Variants in MROH2B observed in about 807,000 individuals in gnomAD.
MROH2B encodes the protein maestro heat-like repeat-containing protein family member 2B.
In MROH2B, 177 loss-of-function variants were observed where a neutral mutation model predicts 208.6. The ratio of observed to expected loss-of-function variants is 0.85; its 90% CI spans 0.75 to 0.96. The LOEUF is 0.96. Among genes scored for constraint, MROH2B ranks in the 40% least tolerant of loss-of-function variants. MROH2B has a pLI of 0.00. For missense variants in MROH2B, 2,002 were observed against 1,878.7 expected (o/e 1.07, Z -1.21); for synonymous variants, 728 against 659.0 (o/e 1.10, Z -1.60).
chr5:41,005,212 G>T (rs944425306), intron 35 of MROH2B: 1 of 527,648 alleles, frequency 1.9e-6, no homozygotes, highest in Admixed American at 3.4e-5. Context: ...TCCTTCTCTG[G>T]ATTGGCTGGA....
chr5:41,060,462 C>T (rs1743600548), intron 6 of MROH2B, among the ~76,000 whole-genome samples: 1 of 152,170 alleles, frequency 6.6e-6, no homozygotes, highest in Admixed American at 6.5e-5. Flanking sequence ...TTTCTTTCTG[C>T]CTTATATCTT....
Position 41,004,367 on chromosome 5 carries a change from T to C in MROH2B, c.4173A>G (p.Gln1391=). Residue 1391 remains glutamine (Q), a synonymous_variant, in exon 37 of 42, where the codon CAA becomes CAG. Transcript: ENST00000399564. ...VSFYFKEIVL[Q]TRTFFEDEQD... is the part of the protein sequence containing the mutation. ...TTACATCTTCAAAGAAGGTCCTTGT[T>C]TGCAGCACTATTTCCTTGAAGTAGA... is the stretch of plus-strand genomic sequence containing the variant. 6.2e-7 allele frequency: 1 copy of C among 1,613,464 alleles called. No homozygotes were observed. Among genetic ancestry groups the C allele is most frequent in the Non-Finnish European group, 8.5e-7 (1 of 1,179,760 alleles).
At chr5:41,044,645 T>C (rs1743061636) in intron 18 of MROH2B, among the ~76,000 whole-genome samples, 1 of 152,188 alleles carries the variant, frequency 6.6e-6, no homozygotes, top group Non-Finnish European at 1.5e-5. Context: ...TCCTAATGTG[T>C]GTTGGCAGGT....
At chr5:41,055,272 T>C (rs1743411082) in intron 10 of MROH2B, among the ~76,000 whole-genome samples, 1 of 152,204 alleles carries the variant, frequency 6.6e-6, no homozygotes, top group Admixed American at 6.5e-5. Context: ...TTATTTCATA[T>C]TGCACCAAAA....
At chr5:41,062,395 A>G (rs561106452) in intron 5 of MROH2B, among the ~76,000 whole-genome samples, 4 of 152,244 alleles carry the variant, frequency 2.6e-5, no homozygotes, top group South Asian at 2.1e-4. Flanking sequence ...GGCTCTGACA[A>G]TCTCCCACTT....
chr5:41,028,228 C>A (rs572413281), intron 24 of MROH2B, among the ~76,000 whole-genome samples: 2 of 152,106 alleles, frequency 1.3e-5, no homozygotes, highest in South Asian at 4.2e-4. Context: ...CATAATGAAA[C>A]AAATTGACCT....
At chr5:41,068,866 C>A (rs993267949) in intron 2 of MROH2B, among the ~76,000 whole-genome samples, 1 of 152,150 alleles carries the variant, frequency 6.6e-6, no homozygotes, top group Non-Finnish European at 1.5e-5. Context: ...CAGACTGATC[C>A]AATCAGAATC....
intron 22 of MROH2B, 109 bp downstream of exon 22, chr5:41,033,729 A>G (rs1742651787): frequency 3.4e-6 from 3 of 880,298 alleles, no homozygotes; most frequent in Admixed American, 5.1e-5. Flanking sequence ...GAAACCTTTC[A>G]ATTGGAATCA....
chr5:41,020,554 T>C (rs1742111899), intron 24 of MROH2B, among the ~76,000 whole-genome samples: 1 of 152,218 alleles, frequency 6.6e-6, no homozygotes, highest in African/African-American at 2.4e-5. Flanking sequence ...ATTGCTCTTT[T>C]ACAACCTAGT....
chr5:41,053,171 A>T (rs1227668391), intron 11 of MROH2B, among the ~76,000 whole-genome samples: 2 of 152,202 alleles, frequency 1.3e-5, no homozygotes, highest in Non-Finnish European at 2.9e-5. Flanking sequence ...CTGTTTATTC[A>T]CAATTTCAGA....
chr5:41,055,663 A>G, intron 10 of MROH2B, 79 bp downstream of exon 10: 1 of 1,002,236 alleles, frequency 1.0e-6, no homozygotes, highest in South Asian at 1.4e-5. Flanking sequence ...AAGACATAGG[A>G]TAGGATTAGA....
At chr5:41,004,687 T>C in intron 36 of MROH2B, 87 bp downstream of exon 36, 1 of 1,543,138 alleles carries the variant, frequency 6.5e-7, no homozygotes, top group Admixed American at 2.0e-5. Flanking sequence ...TCCAATTAAT[T>C]TGTATGCAAC....
At chr5:41,004,586 G>C in intron 36 of MROH2B, 58 bp from the exon 37 acceptor site, 1 of 1,553,152 alleles carries the variant, frequency 6.4e-7, no homozygotes, top group Non-Finnish European at 8.7e-7. Context: ...TCTGGAAGAG[G>C]GTAGGAGTCC....
chr5:41,061,497 T>A (rs781645999), intron 6 of MROH2B, 73 bp downstream of exon 6: 113 of 1,286,366 alleles, frequency 8.8e-5, no homozygotes, highest in Non-Finnish European at 1.1e-4. Flanking sequence ...CTAATTATCA[T>A]GTCACAAAGA....
intron 24 of MROH2B, among the ~76,000 whole-genome samples, chr5:41,027,302 TA>T (rs1319545508): frequency 5.4e-4 from 82 of 152,318 alleles, no homozygotes; most frequent in African/African-American, 1.9e-3. Flanking sequence ...GACAAAGGGC[TA>T]ATATCCAGAA....
At chr5:41,045,595 A>G in intron 18 of MROH2B, 151 bp downstream of exon 18, 1 of 602,774 alleles carries the variant, frequency 1.7e-6, no homozygotes, top group Non-Finnish European at 2.9e-6. Flanking sequence ...GTCATATTCA[A>G]CTTTCAGCTA....
rs536268007 is a variant in MROH2B at position 41,029,545 on chromosome 5, ATGT to A, written c.2441+3194_2441+3196del. ...GATGTGAGGACAACCTTTACAAAAA[ATGT>A]TGTTGGAAAAACTGAATATCCACAT... On this transcript the variant is annotated intron_variant, in intron 24 of 41. Coordinates refer to ENST00000399564, the MANE Select transcript of MROH2B (RefSeq NM_173489.5). 7.8e-3 allele frequency among the ~76,000 whole-genome samples: 1,187 copies of A among 152,264 alleles called. 5 individuals carry two copies. Among genetic ancestry groups the A allele is most frequent in the Non-Finnish European group, 0.012 (806 of 67,996 alleles).
intron 21 of MROH2B, among the ~76,000 whole-genome samples, chr5:41,037,309 G>C (rs1344632979): frequency 6.6e-6 from 1 of 152,124 alleles, no homozygotes; most frequent in Non-Finnish European, 1.5e-5. Context: ...TCTAATGATT[G>C]ACCATAAATT....
rs985604819 is a variant in MROH2B, at chr5:41,042,160, A to C, written c.1885T>G (p.Ser629Ala). The change falls in exon 19 of 42, where the codon TCA becomes GCA. Residue 629 changes from serine (S) to alanine (A), a missense_variant. Ser to Ala is a moderately conservative substitution (Grantham distance 99, BLOSUM62 1). Coordinates refer to ENST00000399564, the MANE Select transcript of MROH2B (RefSeq NM_173489.5). Reference protein sequence around the residue: ...LGTTLACCQDSDFVNSQIKEF... With the variant: ...LGTTLACCQDADFVNSQIKEF... ...TTAATCTGTGAGTTTACAAAGTCTG[A>C]ATCTTGGCAGCATGCTAAGGTGGTT... 1.3e-5 allele frequency: 21 copies of C among 1,595,272 alleles called. No homozygotes were observed. Among genetic ancestry groups the C allele is most frequent in the Non-Finnish European group, 1.8e-5 (21 of 1,170,170 alleles).
Sources: gnomAD v4.1 joint callset for allele counts (sites outside exome capture counted in the v4.1 genomes callset) on GRCh38, gnomAD v4.1.1 for gene constraint, MANE v1.5 for transcripts, NCBI Gene and HGNC (gene_info 2026-07-23, HGNC 2026-07-21) for gene names.